Variants in PIK3CA observed in about 807,000 individuals in gnomAD.
The protein encoded by PIK3CA is phosphatidylinositol-4,5-bisphosphate 3-kinase catalytic subunit alpha.
In PIK3CA, 27 loss-of-function variants were observed where a neutral mutation model predicts 138.2. The observed-to-expected ratio is 0.20, with a 90% confidence interval of 0.14 to 0.27. PIK3CA has a LOEUF of 0.27. Ranked by LOEUF, PIK3CA falls within the 10% of genes least tolerant of loss-of-function variation. PIK3CA has a pLI of 1.00. For missense variants in PIK3CA, 544 were observed against 1,277.4 expected (o/e 0.43, Z 8.75); for synonymous variants, 358 against 413.2 (o/e 0.87, Z 1.62).
chr3:179,204,073 T>TTTTTA (rs1724493284), intron 5 of PIK3CA, among the ~76,000 whole-genome samples: 1 of 152,218 alleles, frequency 6.6e-6, no homozygotes. Context: ...TGGGCCAACC[T>TTTTTA]TAAGTGAGGG....
At chr3:179,184,630 A>G (rs1209902601) in intron 1 of PIK3CA, among the ~76,000 whole-genome samples, 1 of 152,200 alleles carries the variant, frequency 6.6e-6, no homozygotes, top group Non-Finnish European at 1.5e-5. Context: ...AGGTGAATAT[A>G]TTGTATCTGC....
chr3:179,167,334 G>A (rs1490692350), intron 1 of PIK3CA, among the ~76,000 whole-genome samples: 3 of 151,948 alleles, frequency 2.0e-5, no homozygotes, highest in African/African-American at 7.2e-5. Flanking sequence ...TGTTTAATCA[G>A]TATCTCACTA....
At chr3:179,174,773 GA>G (rs1723654006) in intron 1 of PIK3CA, among the ~76,000 whole-genome samples, 1 of 152,086 alleles carries the variant, frequency 6.6e-6, no homozygotes, top group African/African-American at 2.4e-5. Context: ...ATTATTCAAT[GA>G]CCATATAGTA....
intron 17 of PIK3CA, 145 bp from the exon 18 acceptor site, chr3:179,229,127 T>C: frequency 3.4e-6 from 2 of 587,824 alleles, no homozygotes; most frequent in Non-Finnish European, 2.9e-6. Context: ...TATCACACCA[T>C]AAAAAAGAAA....
chr3:179,190,464 A>G (rs1317200684), intron 1 of PIK3CA, among the ~76,000 whole-genome samples: 1 of 152,126 alleles, frequency 6.6e-6, no homozygotes, highest in African/African-American at 2.4e-5. Flanking sequence ...AAAGGGAGTA[A>G]CTGACTCTAG....
chr3:179,187,726 C>T (rs1302773979), intron 1 of PIK3CA, among the ~76,000 whole-genome samples: 4 of 151,196 alleles, frequency 2.6e-5, no homozygotes, highest in Admixed American at 2.6e-4. Flanking sequence ...CAACCTCCAC[C>T]TCCCGGGTTC....
intron 1 of PIK3CA, among the ~76,000 whole-genome samples, chr3:179,164,698 GT>G (rs1723371867): frequency 6.6e-6 from 1 of 151,856 alleles, no homozygotes; most frequent in African/African-American, 2.4e-5. Flanking sequence ...GCAAAACCCC[GT>G]CTCTACTAAA....
At chr3:179,165,301 A>T (rs1442517310) in intron 1 of PIK3CA, among the ~76,000 whole-genome samples, 1 of 152,194 alleles carries the variant, frequency 6.6e-6, no homozygotes, top group African/African-American at 2.4e-5. Context: ...GGGTTGTATA[A>T]GATCACCCAG....
chr3:179,186,659 A>AT (rs988483467), intron 1 of PIK3CA, among the ~76,000 whole-genome samples: 16 of 151,880 alleles, frequency 1.1e-4, no homozygotes, highest in African/African-American at 2.9e-4. Context: ...AATGAGCCCT[A>AT]TTTTTTTTGG....
intron 1 of PIK3CA, among the ~76,000 whole-genome samples, chr3:179,157,614 G>A (rs1723171940): frequency 6.6e-6 from 1 of 151,966 alleles, no homozygotes; most frequent in African/African-American, 2.4e-5. Flanking sequence ...AGACATATAT[G>A]TTTGTTTACT....
chr3:179,161,137 G>A (rs964249425), intron 1 of PIK3CA, among the ~76,000 whole-genome samples: 3 of 152,122 alleles, frequency 2.0e-5, no homozygotes, highest in Admixed American at 2.0e-4. Flanking sequence ...TCATTACAAG[G>A]CCTTAAGGGA....
chr3:179,213,029 A>G (rs1199216786), intron 9 of PIK3CA, among the ~76,000 whole-genome samples: 1 of 152,158 alleles, frequency 6.6e-6, no homozygotes, highest in Non-Finnish European at 1.5e-5. Context: ...ATATTGTCCA[A>G]GGGTCAGCTG....
intron 1 of PIK3CA, among the ~76,000 whole-genome samples, chr3:179,197,859 C>A (rs538346193): frequency 2.4e-4 from 37 of 152,120 alleles, no homozygotes; most frequent in African/African-American, 8.2e-4. Context: ...TTCTAAAAGA[C>A]CCCCCAAGAT....
intron 20 of PIK3CA, among the ~76,000 whole-genome samples, chr3:179,231,268 G>A (rs918595767): frequency 3.3e-5 from 5 of 152,032 alleles, no homozygotes; most frequent in African/African-American, 9.7e-5. Context: ...GTAAACATAC[G>A]ATATGCATGC....
rs1725189934 is a variant in PIK3CA, at chr3:179,230,699, A to C, written c.2936+323A>C. On this transcript the variant is annotated intron_variant, in intron 20 of 20. Coordinates refer to ENST00000263967, the MANE Select transcript of PIK3CA (RefSeq NM_006218.4). The surrounding 1 kb of genome is among the most constrained non-coding windows in gnomAD (Gnocchi z 5.4). ...AGCCCAGGAGGTTGAGGTTGCAGTG[A>C]GCCATTATCACGCCACTGTACTCCA... is the stretch of plus-strand genomic sequence containing the variant. Among the ~76,000 whole-genome samples the C allele has an allele frequency of 6.6e-6, 1 of 152,202 alleles. No individual in the cohort carries two copies. Among genetic ancestry groups the C allele is most frequent in the Non-Finnish European group, 1.5e-5 (1 of 68,038 alleles).
intron 14 of PIK3CA, 70 bp from the exon 15 acceptor site, chr3:179,224,009 AAG>A (rs1725024808): frequency 1.2e-6 from 1 of 816,164 alleles, no homozygotes; most frequent in Non-Finnish European, 2.1e-6. Context: ...TCATGTGAGA[AAG>A]AGATTAGCAG....
intron 1 of PIK3CA, among the ~76,000 whole-genome samples, chr3:179,176,849 C>T (rs1277340906): frequency 6.6e-6 from 1 of 152,092 alleles, no homozygotes; most frequent in East Asian, 1.9e-4. Flanking sequence ...GTGGGGTTGC[C>T]TAATCTAAGA....
chr3:179,222,166 C>G (rs776370229), intron 14 of PIK3CA, among the ~76,000 whole-genome samples: 10 of 151,576 alleles, frequency 6.6e-5, no homozygotes, highest in Non-Finnish European at 1.2e-4. Context: ...AGTGAGTCCC[C>G]AAAGGACAGA....
intron 1 of PIK3CA, among the ~76,000 whole-genome samples, chr3:179,174,972 T>G (rs563053775): frequency 2.2e-4 from 33 of 152,338 alleles, no homozygotes; most frequent in African/African-American, 7.7e-4. Context: ...TCCTATAATA[T>G]CCTTCATAGA....
Sources: allele counts gnomAD v4.1 joint callset (sites outside exome capture counted in the v4.1 genomes callset), GRCh38; gene constraint gnomAD v4.1.1; non-coding constraint Gnocchi (gnomAD v3.1); transcripts MANE v1.5; gene names NCBI Gene and HGNC (gene_info 2026-07-23, HGNC 2026-07-21).